Variants in GET1 observed in about 807,000 individuals in gnomAD.
GET1 encodes guided entry of tail-anchored proteins factor 1, also known as congenital heart disease 5 protein.
In GET1, 20 loss-of-function variants were observed where a neutral mutation model predicts 22.6. The ratio of observed to expected loss-of-function variants is 0.89; its 90% confidence interval spans 0.62 to 1.29. The LOEUF is 1.29. Ranked by LOEUF, GET1 falls within the 50% of genes most tolerant of loss-of-function variation. The pLI is 0.00. For synonymous variants in GET1, 92 were observed against 83.8 expected, an observed-to-expected ratio of 1.10 and a Z score of -0.53; for missense variants, 209 against 219.9, an observed-to-expected ratio of 0.95 and a Z score of 0.31.
intron 1 of GET1, chr21:39,423,157 T>C (rs756712077): frequency 6.2e-7 from 1 of 1,613,684 alleles, no homozygotes; most frequent in Non-Finnish European, 8.5e-7. Flanking sequence ...TCTTTCCTTT[T>C]CCTGGGATTT....
intron 1 of GET1, chr21:39,411,743 T>TAA: frequency 6.4e-7 from 1 of 1,571,394 alleles, no homozygotes; most frequent in East Asian, 2.2e-5. Flanking sequence ...CTGTGTCATG[T>TAA]AAATTTTTAA....
intron 1 of GET1, among the ~76,000 whole-genome samples, chr21:39,427,017 A>G (rs1346766940): frequency 6.6e-6 from 1 of 152,184 alleles, no homozygotes; most frequent in East Asian, 1.9e-4. Flanking sequence ...TCCCTGTGCT[A>G]TAGCAGGGGA....
downstream of GET1, among the ~76,000 whole-genome samples, chr21:39,402,815 A>G (rs746862782): frequency 6.7e-6 from 1 of 149,574 alleles, no homozygotes; most frequent in Non-Finnish European, 1.5e-5. Context: ...GCCAGAGTAG[A>G]AAACACTAAA....
intron 1 of GET1, among the ~76,000 whole-genome samples, chr21:39,424,794 G>A (rs139863847): frequency 6.6e-6 from 1 of 152,210 alleles, no homozygotes; most frequent in South Asian, 2.1e-4. Context: ...ATTGGCATGT[G>A]TCCAGGGGTC....
At chr21:39,390,045 T>TG (rs1239087081) in intron 1 of GET1, among the ~76,000 whole-genome samples, 1 of 148,980 alleles carries the variant, frequency 6.7e-6, no homozygotes, top group African/African-American at 2.5e-5. Flanking sequence ...AATATGAGTT[T>TG]TTTTTTTTTT....
intron 1 of GET1, among the ~76,000 whole-genome samples, chr21:39,424,011 GTTTATT>G: frequency 6.6e-6 from 1 of 152,084 alleles, no homozygotes; most frequent in South Asian, 2.1e-4. Context: ...TTTTTTAAAT[GTTTATT>G]TTTATTTTTT....
At chr21:39,387,392 A>G (rs979532460) in intron 1 of GET1, among the ~76,000 whole-genome samples, 15 of 152,186 alleles carry the variant, frequency 9.9e-5, no homozygotes, top group Admixed American at 2.0e-4. Flanking sequence ...TGTAATTTGT[A>G]TAAGGCGAAA....
chr21:39,401,418 A>G (rs145952717), downstream of GET1, among the ~76,000 whole-genome samples: 72 of 152,300 alleles, frequency 4.7e-4, no homozygotes, highest in East Asian at 0.013. Flanking sequence ...TAAAATATGT[A>G]AATTTTAAAG....
At chr21:39,389,281 T>C (rs2038138107) in intron 1 of GET1, among the ~76,000 whole-genome samples, 1 of 152,026 alleles carries the variant, frequency 6.6e-6, no homozygotes, top group African/African-American at 2.4e-5. Context: ...CTTTTTTCTT[T>C]TGTCCCCCTT....
At chr21:39,406,736 GA>G, downstream of GET1, 1 of 702,896 alleles carries the variant, frequency 1.4e-6, no homozygotes, top group Non-Finnish European at 2.4e-6. Context: ...GAAAAGGTAA[GA>G]AAATAGATGC....
At chr21:39,428,178 AT>A in intron 1 of GET1, 7 of 1,570,850 alleles carry the variant, frequency 4.5e-6, no homozygotes, top group South Asian at 1.2e-5. Flanking sequence ...TTACCTTTAG[AT>A]TGGGAGATTT....
At chr21:39,426,273 A>T (rs1268685686) in intron 1 of GET1, among the ~76,000 whole-genome samples, 1 of 152,200 alleles carries the variant, frequency 6.6e-6, no homozygotes, top group African/African-American at 2.4e-5. Flanking sequence ...TCCATCACGC[A>T]TACTTGATGG....
At chr21:39,381,739 C>G (rs1431759289) in intron 1 of GET1, among the ~76,000 whole-genome samples, 1 of 152,150 alleles carries the variant, frequency 6.6e-6, no homozygotes, top group African/African-American at 2.4e-5. Context: ...TTTTGTGCAA[C>G]CATTATCCCA....
chr21:39,403,415 C>T (rs956119893), intron 4 of GET1, among the ~76,000 whole-genome samples: 1 of 152,100 alleles, frequency 6.6e-6, no homozygotes, highest in Non-Finnish European at 1.5e-5. Flanking sequence ...CAAGCTCCGC[C>T]TCCCGGGTTC....
At chr21:39,403,270 A>G (rs527365680) in intron 4 of GET1, among the ~76,000 whole-genome samples, 2 of 152,276 alleles carry the variant, frequency 1.3e-5, no homozygotes, top group African/African-American at 4.8e-5. Flanking sequence ...CTTGCTTTTC[A>G]TAAACGATCA....
At chr21:39,391,132 G>T (rs538649831) in intron 2 of GET1, 19 of 268,864 alleles carry the variant, frequency 7.1e-5, no homozygotes, top group East Asian at 3.0e-4. Context: ...CTTAAAAATT[G>T]TAGGTTTTCA....
In GET1 at chr21:39,405,388, T is replaced by C. The variant is rs928309841; in HGVS notation, c.350-526T>C. Among the ~76,000 whole-genome samples the C allele has an allele frequency of 3.3e-5, 5 of 152,092 alleles. No homozygotes were observed. The East Asian group carries it at 9.6e-4, about 29-fold the overall frequency. On this transcript the variant is annotated intron_variant, in intron 4 of 4. Transcript: ENST00000415847. Reference sequence around the variant, plus strand: ...CTTATAATTTTTGTAGAGACGGGGTTGTACCATGTTGGCCAGGCTGGTCTT... The same window carrying C: ...CTTATAATTTTTGTAGAGACGGGGTCGTACCATGTTGGCCAGGCTGGTCTT...
At chr21:39,420,777 TC>T in intron 1 of GET1, 1 of 1,613,710 alleles carries the variant, frequency 6.2e-7, no homozygotes, top group Non-Finnish European at 8.5e-7. Context: ...GCTAAAGTCT[TC>T]CGAGTCTCAA....
exon 5 of GET1, chr21:39,406,281 A>T: frequency 6.2e-7 from 1 of 1,614,222 alleles, no homozygotes; most frequent in South Asian, 1.1e-5. Flanking sequence ...CCCCTGAAGC[A>T]GGAAGCCCAT....
Sources: allele counts gnomAD v4.1 joint callset (sites outside exome capture counted in the v4.1 genomes callset), GRCh38; gene constraint gnomAD v4.1.1; transcripts MANE v1.5; gene names NCBI Gene and HGNC (gene_info 2026-07-23, HGNC 2026-07-21).